Variants in COL10A1 observed in about 807,000 individuals in gnomAD.
COL10A1 encodes the protein collagen type X alpha 1 chain.
Under a neutral mutation model 18.2 loss-of-function variants are expected in COL10A1, and 10 were observed. That is an observed-to-expected ratio of 0.55 (90% CI 0.34 to 0.93). The LOEUF is 0.93. Ranked by LOEUF, COL10A1 falls within the 40% of genes least tolerant of loss-of-function variation. The pLI is 0.02. For synonymous variants in COL10A1, 330 were observed against 316.6 expected (o/e 1.04, Z -0.45); for missense variants, 897 against 853.5 (o/e 1.05, Z -0.64).
chr6:116,126,817 A>T (rs1779327978), upstream of COL10A1, among the ~76,000 whole-genome samples: 1 of 152,118 alleles, frequency 6.6e-6, no homozygotes, highest in East Asian at 1.9e-4. Flanking sequence ...TGTTTATTTC[A>T]GGAGAAAAAA....
At chr6:116,190,854 C>T in the COL10A1 span, among the ~76,000 whole-genome samples, 1 of 152,060 alleles carries the variant, frequency 6.6e-6, no homozygotes, top group Admixed American at 6.6e-5. Flanking sequence ...TTCTCAGTTT[C>T]GTTGGGATGG....
At chr6:116,195,199 G>A in the COL10A1 span, among the ~76,000 whole-genome samples, 1 of 152,030 alleles carries the variant, frequency 6.6e-6, no homozygotes, top group Non-Finnish European at 1.5e-5. Flanking sequence ...ACATACTGAA[G>A]TTATAATATA....
chr6:116,149,584 A>G (rs1363100299), intron 1 of COL10A1, among the ~76,000 whole-genome samples: 1 of 152,220 alleles, frequency 6.6e-6, no homozygotes, highest in Non-Finnish European at 1.5e-5. Flanking sequence ...GAACCAAAGG[A>G]TGACTGTCGA....
At chr6:116,127,260 T>G (rs921246753), upstream of COL10A1, among the ~76,000 whole-genome samples, 4 of 152,158 alleles carry the variant, frequency 2.6e-5, no homozygotes, top group Non-Finnish European at 5.9e-5. Flanking sequence ...TTCTTTTCCC[T>G]TTCTCTCCCC....
the COL10A1 span, among the ~76,000 whole-genome samples, chr6:116,194,814 G>GA: frequency 6.6e-6 from 1 of 152,094 alleles, no homozygotes; most frequent in East Asian, 1.9e-4. Flanking sequence ...TATGGAGCTA[G>GA]AACCTATTCT....
In COL10A1 at chr6:116,121,666, A is replaced by T. The variant is rs762633375; in HGVS notation, c.450T>A (p.Ala150=). The T allele has an allele frequency of 6.2e-7, 1 of 1,613,644 alleles. No individual in the cohort carries two copies. The highest frequency in any genetic ancestry group is 8.5e-7 in the Non-Finnish European group (1 of 1,179,784). The change falls in exon 3 of 3, where the codon GCT becomes GCA. Residue 150 remains alanine, a synonymous_variant. Transcript: ENST00000651968. ...CAGGTTTTCCTGGCACAGAAATTCC[A>T]GCCGGTCCAGGGATTCCAGGTGGTC... ...PPGPPGIPGP[A]GISVPGKPGQ...
chr6:116,148,752 T>C (rs1779959113), intron 1 of COL10A1, among the ~76,000 whole-genome samples: 1 of 152,196 alleles, frequency 6.6e-6, no homozygotes, highest in Non-Finnish European at 1.5e-5. Flanking sequence ...AAATACTGTT[T>C]ATTATTCAGA....
In COL10A1 at chr6:116,121,528, AG is replaced by A. The variant is rs1390862239; in HGVS notation, c.587del (p.Pro196LeufsTer94). On this transcript the variant is annotated frameshift_variant, in exon 3 of 3. Transcript: ENST00000651968. LOFTEE classifies it low-confidence loss of function (END_TRUNC). ...GQKGEMGYGA[P>X]GRPGERGLPG... ...GAAGACCCCTCTCACCTGGACGACC[AG>A]GAGCACCATATCCCATTTCCCCTTT... 1 of 1,614,072 alleles carries A rather than the reference AG, an allele frequency of 6.2e-7. No individual in the cohort carries two copies. The highest frequency in any genetic ancestry group is 8.5e-7 in the Non-Finnish European group (1 of 1,179,998).
chr6:116,143,688 T>C (rs936095867), intron 1 of COL10A1, among the ~76,000 whole-genome samples: 1 of 152,206 alleles, frequency 6.6e-6, no homozygotes, highest in Non-Finnish European at 1.5e-5. Flanking sequence ...CTTTTTTGTT[T>C]TGCATTTTGG....
intron 2 of COL10A1, among the ~76,000 whole-genome samples, 159 bp from the exon 3 acceptor site, chr6:116,122,120 A>C (rs1457732755): frequency 6.6e-6 from 1 of 152,194 alleles, no homozygotes; most frequent in East Asian, 1.9e-4. Flanking sequence ...TATATGTTTT[A>C]TACTGTTTTA....
At chr6:116,122,593 T>C (rs987895425) in intron 2 of COL10A1, among the ~76,000 whole-genome samples, 3 of 152,188 alleles carry the variant, frequency 2.0e-5, no homozygotes, top group Non-Finnish European at 4.4e-5. Flanking sequence ...TACAAATATA[T>C]AGTGTTTGAT....
chr6:116,121,975 C>A lies in COL10A1; in HGVS notation c.155-14G>T. Reference sequence around the variant, plus strand: ...TTACTGCTATACCTAAAAGACACACCCAACACACCCACCCATAGAAGGGGA... The same window carrying A: ...TTACTGCTATACCTAAAAGACACACACAACACACCCACCCATAGAAGGGGA... On this transcript the variant is annotated splice_polypyrimidine_tract_variant and intron_variant, in intron 2 of 2. Coordinates refer to ENST00000651968, the MANE Select transcript of COL10A1 (RefSeq NM_000493.4). The A allele has an allele frequency of 6.2e-7, 1 of 1,606,118 alleles. No homozygotes were observed. The highest frequency in any genetic ancestry group is 1.1e-5 in the South Asian group (1 of 90,922).
chr6:116,200,780 A>G, the COL10A1 span, among the ~76,000 whole-genome samples: 1 of 151,992 alleles, frequency 6.6e-6, no homozygotes, highest in Admixed American at 6.6e-5. Context: ...TCCCAGCTAA[A>G]GAAACTGAAG....
the COL10A1 span, among the ~76,000 whole-genome samples, chr6:116,211,759 A>G: frequency 6.6e-6 from 1 of 152,028 alleles, no homozygotes; most frequent in African/African-American, 2.4e-5. Context: ...CGACTATAAC[A>G]AAGGGAGGGA....
At chr6:116,169,114 G>A in the COL10A1 span, among the ~76,000 whole-genome samples, 43 of 152,264 alleles carry the variant, frequency 2.8e-4, no homozygotes, top group Middle Eastern at 0.01. Context: ...CTTGAAGTTG[G>A]TGTTACTGCT....
intron 1 of COL10A1, among the ~76,000 whole-genome samples, chr6:116,144,222 G>A (rs1245598636): frequency 6.6e-6 from 1 of 152,154 alleles, no homozygotes; most frequent in Non-Finnish European, 1.5e-5. Context: ...TGTAAAAGGA[G>A]GCCAGGCACA....
chr6:116,187,365 C>A, the COL10A1 span, among the ~76,000 whole-genome samples: 1 of 151,946 alleles, frequency 6.6e-6, no homozygotes, highest in African/African-American at 2.4e-5. Flanking sequence ...GAAGCTCATG[C>A]CACAATTTAT....
At chr6:116,173,741 A>G in the COL10A1 span, among the ~76,000 whole-genome samples, 1 of 152,198 alleles carries the variant, frequency 6.6e-6, no homozygotes. Context: ...TAGAAAAATG[A>G]TAAAGACAAT....
chr6:116,177,084 A>G, the COL10A1 span, among the ~76,000 whole-genome samples: 1 of 152,222 alleles, frequency 6.6e-6, no homozygotes, highest in African/African-American at 2.4e-5. Context: ...TTTCTGTTAT[A>G]ATATGTGGAC....
Sources: allele counts gnomAD v4.1 joint callset (sites outside exome capture counted in the v4.1 genomes callset), GRCh38; gene constraint gnomAD v4.1.1; transcripts MANE v1.5; gene names NCBI Gene and HGNC (gene_info 2026-07-23, HGNC 2026-07-21).